GNAI2: variants seen among roughly 807,000 people sequenced by gnomAD.
GNAI2 encodes the protein guanine nucleotide-binding protein G(i) subunit alpha-2.
In GNAI2, 4 loss-of-function variants were observed where a neutral mutation model predicts 36.8. The observed-to-expected ratio is 0.11, with a 90% CI of 0.05 to 0.25. The LOEUF (loss-of-function observed/expected upper bound fraction) is 0.25. Ranked by LOEUF, GNAI2 falls within the 10% of genes least tolerant of loss-of-function variation. GNAI2 has a pLI of 1.00. For synonymous variants in GNAI2, 194 were observed against 194.1 expected, an observed-to-expected ratio of 1.00 and a Z score of 0.01; for missense variants, 230 against 481.3, an observed-to-expected ratio of 0.48 and a Z score of 4.89.
intron 7 of GNAI2, 139 bp from the exon 8 acceptor site, chr3:50,257,361 C>A: frequency 1.5e-6 from 1 of 651,572 alleles, no homozygotes; most frequent in Non-Finnish European, 2.7e-6. Context: ...GTATGGGCAG[C>A]CACAAACATT....
chr3:50,254,661 C>CA (rs1700645412), intron 4 of GNAI2, among the ~76,000 whole-genome samples: 1 of 152,242 alleles, frequency 6.6e-6, no homozygotes, highest in South Asian at 2.1e-4. Flanking sequence ...GGGGTCAGAG[C>CA]AGCAGGGACC....
chr3:50,251,694 T>G, intron 1 of GNAI2: 1 of 1,344,262 alleles, frequency 7.4e-7, no homozygotes, highest in South Asian at 1.2e-5. Context: ...CAGGGCATCT[T>G]CCTGCCAGCT....
At chr3:50,237,096 C>T (rs1700190994) in intron 1 of GNAI2, among the ~76,000 whole-genome samples, 1 of 152,246 alleles carries the variant, frequency 6.6e-6, no homozygotes, top group African/African-American at 2.4e-5. Context: ...GGCATCACTC[C>T]CGAAACCCTC....
upstream of GNAI2, chr3:50,229,255 T>G (rs1269306241): frequency 5.3e-5 from 8 of 151,986 alleles, no homozygotes; most frequent in African/African-American, 1.9e-4. Flanking sequence ...CCAGGGGAGG[T>G]GGCCTTTGGA....
upstream of GNAI2, chr3:50,229,328 G>C (rs1249716575): frequency 1.3e-5 from 2 of 152,248 alleles, no homozygotes; most frequent in African/African-American, 4.8e-5. Flanking sequence ...ACAAAGAAAA[G>C]GAGGGAGGTT....
Position 50,241,156 on chromosome 3 carries a change from G to A in GNAI2, c.118+4703G>A, listed in dbSNP as rs1346911068. ...GGGGACCTTAGGCCCAACCTCTGGG[G>A]GTCTAGGTTTGGAGATGTGGTAGGG... On this transcript the variant is annotated intron_variant, in intron 1 of 8. Coordinates refer to ENST00000313601, the MANE Select transcript of GNAI2 (RefSeq NM_002070.4). The surrounding 1 kb of genome is among the most constrained non-coding windows in gnomAD (Gnocchi z 5.0). 6.6e-6 allele frequency among the ~76,000 whole-genome samples: 1 copy of A among 152,154 alleles called. No homozygotes were observed. Among genetic ancestry groups the A allele is most frequent in the African/African-American group, 2.4e-5 (1 of 41,430 alleles).
At chr3:50,251,677 G>C (rs1553702483) in intron 1 of GNAI2, 6 of 1,344,794 alleles carry the variant, frequency 4.5e-6, no homozygotes, top group Non-Finnish European at 5.9e-6. Context: ...CTGTTGGATG[G>C]AGTATGCAGG....
intron 1 of GNAI2, chr3:50,247,148 C>T (rs1184148842): frequency 5.7e-6 from 4 of 696,956 alleles, no homozygotes; most frequent in Non-Finnish European, 1.0e-5. Context: ...TCACATGTGC[C>T]CCACACTGTG....
At position 50,252,545 on chromosome 3, in the gene GNAI2, G is replaced by A. The variant is rs1700586451; in HGVS notation, c.303+7G>A. 2 of 1,610,194 alleles carry A rather than the reference G, an allele frequency of 1.2e-6. No individual in the cohort carries two copies. Among genetic ancestry groups the A allele is most frequent in the East Asian group, 4.5e-5 (2 of 44,802 alleles). ...TGCCGACCCCTCCAGAGCGGTATGT[G>A]CCCTCCGCCCCACCCTCTCCCACCT... On this transcript the variant is annotated splice_region_variant and intron_variant, in intron 3 of 8. Transcript: ENST00000313601. This position sits in a 1 kb window ranked among gnomAD's most constrained non-coding sequence, Gnocchi z 4.1.
At chr3:50,230,636 C>T (rs1700053005), upstream of GNAI2, 1 of 177,770 alleles carries the variant, frequency 5.6e-6, no homozygotes, top group Non-Finnish European at 1.1e-5. Context: ...CCAAGCTGGA[C>T]CTGCTGTGCT....
At chr3:50,256,392 T>G (rs1553703193) in intron 5 of GNAI2, 72 bp downstream of exon 5, 1 of 1,413,542 alleles carries the variant, frequency 7.1e-7, no homozygotes, top group Non-Finnish European at 1.0e-6. Flanking sequence ...CAGGGGCTGG[T>G]CCAGGATCCC....
Position 50,252,021 on chromosome 3 carries a change from A to T in GNAI2, c.119-79A>T. 7.2e-7 allele frequency: 1 copy of T among 1,384,576 alleles called. No homozygotes were observed. The highest frequency in any genetic ancestry group is 1.0e-6 in the Non-Finnish European group (1 of 978,792). 85.8% of individuals were successfully genotyped at this position (1,384,576 alleles called of 1,614,324 possible). A position where few individuals can be genotyped will look rare whatever the true frequency, so the allele number is the denominator to read the frequency against. On this transcript the variant is annotated intron_variant, in intron 1 of 8. Coordinates refer to ENST00000313601, the MANE Select transcript of GNAI2 (RefSeq NM_002070.4). The surrounding 1 kb of genome is among the most constrained non-coding windows in gnomAD (Gnocchi z 4.1). ...GAAGGTTAGTTCTGCCTCCTGGGCT[A>T]CAGGTGTCTGGGCATTTGTTCTGTG...
intron 8 of GNAI2, 138 bp downstream of exon 8, chr3:50,257,852 A>C: frequency 1.8e-6 from 1 of 570,902 alleles, no homozygotes; most frequent in Non-Finnish European, 3.1e-6. Context: ...AAGGGAGGAG[A>C]AGGCCCAGGG....
intron 4 of GNAI2, among the ~76,000 whole-genome samples, chr3:50,254,890 G>C (rs1450187927): frequency 6.6e-6 from 1 of 152,224 alleles, no homozygotes; most frequent in Non-Finnish European, 1.5e-5. Flanking sequence ...ACAGGAAGCA[G>C]GGCTCCTTCA....
intron 1 of GNAI2, among the ~76,000 whole-genome samples, chr3:50,249,418 G>A (rs984867641): frequency 2.0e-5 from 3 of 152,196 alleles, no homozygotes; most frequent in Non-Finnish European, 4.4e-5. Context: ...TGTCCTCATT[G>A]GCAGGTGGAG....
At chr3:50,251,947 C>T (rs782594436) in intron 1 of GNAI2, 153 bp from the exon 2 acceptor site, 8 of 894,554 alleles carry the variant, frequency 8.9e-6, no homozygotes, top group Non-Finnish European at 1.2e-5. Flanking sequence ...CCTGGTAGCT[C>T]AACTGCCCAC....
intron 1 of GNAI2, among the ~76,000 whole-genome samples, chr3:50,249,667 C>T (rs1178257907): frequency 6.6e-6 from 1 of 152,218 alleles, no homozygotes; most frequent in Non-Finnish European, 1.5e-5. Flanking sequence ...TATCTAATTC[C>T]AGAACATAAT....
At chr3:50,251,681 A>G (rs1553702485) in intron 1 of GNAI2, 1 of 1,344,220 alleles carries the variant, frequency 7.4e-7, no homozygotes, top group South Asian at 1.2e-5. Flanking sequence ...TGGATGGAGT[A>G]TGCAGGGCAT....
intron 1 of GNAI2, chr3:50,247,032 A>T (rs1700441644): frequency 1.9e-6 from 2 of 1,041,840 alleles, no homozygotes; most frequent in South Asian, 2.7e-5. Context: ...CCTTCAAATG[A>T]GATGACCACA....
Sources: allele counts gnomAD v4.1 joint callset (sites outside exome capture counted in the v4.1 genomes callset), GRCh38; gene constraint gnomAD v4.1.1; non-coding constraint Gnocchi (gnomAD v3.1); transcripts MANE v1.5; gene names NCBI Gene and HGNC (gene_info 2026-07-23, HGNC 2026-07-21).